IFT46: variants seen among roughly 807,000 people sequenced by gnomAD.
The protein encoded by IFT46 is intraflagellar transport protein 46 homolog.
In IFT46, 19 loss-of-function variants were observed where a neutral mutation model predicts 39.6. The ratio of observed to expected loss-of-function variants is 0.48; its 90% CI spans 0.33 to 0.70. The LOEUF (loss-of-function observed/expected upper bound fraction) is 0.70, where lower values mean the gene tolerates loss of function less well. Ranked by LOEUF, IFT46 falls within the 30% of genes least tolerant of loss-of-function variation. The probability of loss-of-function intolerance (pLI) is 0.01; values close to 1 mark genes in which losing one functional copy is unlikely to be tolerated. For synonymous variants in IFT46, 117 were observed against 134.8 expected, an observed-to-expected ratio of 0.87 and a Z score of 0.91; for missense variants, 334 against 364.8, an observed-to-expected ratio of 0.92 and a Z score of 0.69.
intron 9 of IFT46, among the ~76,000 whole-genome samples, chr11:118,551,577 G>T (rs1258652547): frequency 6.6e-6 from 1 of 150,950 alleles, no homozygotes; most frequent in Non-Finnish European, 1.5e-5. Context: ...GTAAGGCTGA[G>T]GTGGGAGGGT....
intron 9 of IFT46, among the ~76,000 whole-genome samples, chr11:118,548,218 T>C (rs1353566187): frequency 6.6e-6 from 1 of 150,988 alleles, no homozygotes; most frequent in Non-Finnish European, 1.5e-5. Context: ...AAGAGCTCTT[T>C]GCTTGGACGG....
At chr11:118,549,777 C>T (rs1490966956) in intron 9 of IFT46, among the ~76,000 whole-genome samples, 1 of 151,988 alleles carries the variant, frequency 6.6e-6, no homozygotes, top group East Asian at 1.9e-4. Context: ...CCCGCCTCGG[C>T]CTCCCAAAGT....
At chr11:118,550,284 A>G (rs1024477913) in intron 9 of IFT46, among the ~76,000 whole-genome samples, 16 of 152,190 alleles carry the variant, frequency 1.1e-4, no homozygotes, top group Non-Finnish European at 2.2e-4. Context: ...TTCTTATTAC[A>G]CTGAGAAACA....
chr11:118,555,696 C>T lies in IFT46; in HGVS notation c.186-374G>A, dbSNP rs112281618. On this transcript the variant is annotated intron_variant, in intron 4 of 11. Coordinates refer to ENST00000264021, the MANE Select transcript of IFT46 (RefSeq NM_001168618.2). ...CAGCACTTTTGGAGGCCGAGGCAGG[C>T]GGATCACCTGAGGTCAGGAGTTCAA... 9.3e-3 allele frequency: 1,737 copies of T among 187,438 alleles called. 26 individuals are homozygous for T. Among genetic ancestry groups the T allele is most frequent in the African/African-American group, 0.038 (1,585 of 41,828 alleles). The allele number at this position is 187,438 out of a possible 1,614,324, so 11.6% of individuals were successfully genotyped here.
chr11:118,563,401 T>G (rs1555070899), intron 2 of IFT46, among the ~76,000 whole-genome samples: 1 of 152,206 alleles, frequency 6.6e-6, no homozygotes, highest in African/African-American at 2.4e-5. Flanking sequence ...ATTGCACACT[T>G]AAAAATTGTT....
intron 7 of IFT46, among the ~76,000 whole-genome samples, chr11:118,554,132 G>C (rs1937745759): frequency 6.7e-6 from 1 of 149,982 alleles, no homozygotes. Context: ...CTCACTGCAA[G>C]CTCCGCCTCC....
chr11:118,573,578 A>G, upstream of IFT46: 1 of 652,024 alleles, frequency 1.5e-6, no homozygotes, highest in Admixed American at 2.4e-5. Flanking sequence ...TAGTCTTTTG[A>G]AGGATGTTCT....
In IFT46 at chr11:118,555,172, T is replaced by G. The variant is rs1937787906; in HGVS notation, c.260+76A>C. On this transcript the variant is annotated intron_variant, in intron 5 of 11. Coordinates refer to ENST00000264021, the MANE Select transcript of IFT46 (RefSeq NM_001168618.2). ...AAAAAAAATCTAAGGGGAATGGCCC[T>G]GTTTCAGACTAGAGATAGGAAAGGT... 1.1e-5 allele frequency: 17 copies of G among 1,534,082 alleles called. No homozygotes were observed. The Middle Eastern group carries it at 6.7e-4, about 61-fold the overall frequency.
At chr11:118,550,648 T>C (rs1230203630) in intron 9 of IFT46, among the ~76,000 whole-genome samples, 2 of 152,196 alleles carry the variant, frequency 1.3e-5, no homozygotes, top group African/African-American at 2.4e-5. Context: ...AATTCACATA[T>C]GTATACAGTT....
At chr11:118,564,402 C>T (rs1938159619) in intron 2 of IFT46, among the ~76,000 whole-genome samples, 1 of 151,660 alleles carries the variant, frequency 6.6e-6, no homozygotes. Context: ...AAGGCTGGCA[C>T]ACAGTAGGCA....
intron 11 of IFT46, 81 bp downstream of exon 11, chr11:118,545,328 T>C (rs2135460498): frequency 2.0e-6 from 2 of 1,020,376 alleles, no homozygotes; most frequent in East Asian, 4.7e-5. Context: ...CGCTATAGGA[T>C]GCAATCACAG....
intron 2 of IFT46, among the ~76,000 whole-genome samples, chr11:118,563,967 C>T (rs1222245888): frequency 1.3e-5 from 2 of 151,668 alleles, no homozygotes; most frequent in Admixed American, 6.6e-5. Context: ...TTTGGGAGGC[C>T]GAGGCAGGTG....
At chr11:118,572,582 G>T in intron 1 of IFT46, 1 of 1,600,942 alleles carries the variant, frequency 6.2e-7, no homozygotes, top group South Asian at 1.1e-5. Context: ...GAACTCCTGG[G>T]GTCCGAGCCT....
chr11:118,561,366 T>A, intron 2 of IFT46: 3 of 868,390 alleles, frequency 3.5e-6, no homozygotes, highest in Non-Finnish European at 3.9e-6. Context: ...TCTCAATGCA[T>A]AAAGAAGAGC....
chr11:118,573,566 TTTA>T (rs1184834481), upstream of IFT46: 2 of 642,932 alleles, frequency 3.1e-6, no homozygotes, highest in African/African-American at 3.7e-5. Flanking sequence ...CCTTATGTCC[TTTA>T]GTCTTTTGAA....
intron 10 of IFT46, 21 bp from the exon 11 acceptor site, chr11:118,545,515 C>T (rs1951658055): frequency 1.3e-6 from 2 of 1,594,434 alleles, no homozygotes; most frequent in Admixed American, 1.7e-5. Flanking sequence ...GAAGAACTTC[C>T]AGGAACAGAA....
chr11:118,558,487 C>T (rs1937916859), intron 3 of IFT46, among the ~76,000 whole-genome samples: 1 of 152,042 alleles, frequency 6.6e-6, no homozygotes, highest in South Asian at 2.1e-4. Context: ...CCCAGCTACT[C>T]AGGAGGCTGA....
chr11:118,569,291 A>AT (rs200770537), upstream of IFT46, among the ~76,000 whole-genome samples: 19 of 149,040 alleles, frequency 1.3e-4, no homozygotes, highest in South Asian at 2.4e-3. Context: ...AAAAAAAAAA[A>AT]TTTTTTTTTT....
At chr11:118,564,050 A>G (rs1938148151) in intron 2 of IFT46, among the ~76,000 whole-genome samples, 1 of 151,736 alleles carries the variant, frequency 6.6e-6, no homozygotes, top group African/African-American at 2.4e-5. Flanking sequence ...AAAAATACTA[A>G]AATTAGCTGG....
Sources: gnomAD v4.1 joint callset for allele counts (sites outside exome capture counted in the v4.1 genomes callset) on GRCh38, gnomAD v4.1.1 for gene constraint, MANE v1.5 for transcripts, NCBI Gene and HGNC (gene_info 2026-07-23, HGNC 2026-07-21) for gene names.